The following ARID5B variants were observed in gnomAD, a reference collection of about 807,000 sequenced individuals.
The protein encoded by ARID5B is AT-rich interactive domain-containing protein 5B.
Under a neutral mutation model 97.2 loss-of-function variants are expected in ARID5B, and 13 were observed. That is an observed-to-expected ratio of 0.13 (90% CI 0.09 to 0.21). ARID5B has a LOEUF of 0.21. Ranked by LOEUF, ARID5B falls within the 10% of genes least tolerant of loss-of-function variation. ARID5B has a pLI of 1.00. For synonymous variants in ARID5B, 556 were observed against 570.3 expected (o/e 0.97, Z 0.36); for missense variants, 1,210 against 1,465.3 (o/e 0.83, Z 2.84).
At chr10:61,931,594 C>A (rs1844211026) in intron 2 of ARID5B, among the ~76,000 whole-genome samples, 1 of 152,130 alleles carries the variant, frequency 6.6e-6, no homozygotes. Flanking sequence ...AAAGTGGTTT[C>A]AAACCACATA....
chr10:62,061,683 G>A (rs557676506), intron 7 of ARID5B, among the ~76,000 whole-genome samples: 2 of 152,246 alleles, frequency 1.3e-5, no homozygotes, highest in African/African-American at 2.4e-5. Flanking sequence ...CCTCTTTCTG[G>A]TACTGTGTGG....
intron 3 of ARID5B, among the ~76,000 whole-genome samples, chr10:61,942,876 CA>C (rs1266742528): frequency 6.6e-6 from 1 of 152,176 alleles, no homozygotes; most frequent in African/African-American, 2.4e-5. Context: ...ATTTTGGAGA[CA>C]GCTTTATGAT....
chr10:62,007,913 T>A (rs2132875808), intron 4 of ARID5B, among the ~76,000 whole-genome samples: 1 of 152,210 alleles, frequency 6.6e-6, no homozygotes, highest in Middle Eastern at 3.4e-3. Flanking sequence ...TCTCTGACCA[T>A]CCCTCTTCCA....
At chr10:62,059,440 T>A in intron 7 of ARID5B, 145 bp downstream of exon 7, 1 of 621,676 alleles carries the variant, frequency 1.6e-6, no homozygotes, top group Non-Finnish European at 2.8e-6. Flanking sequence ...ATTGGGCCGC[T>A]TTGGAAACAG....
At chr10:61,938,970 T>A (rs957874131) in intron 2 of ARID5B, among the ~76,000 whole-genome samples, 7 of 146,132 alleles carry the variant, frequency 4.8e-5, no homozygotes, top group Admixed American at 1.4e-4. Context: ...GAGAAGTGTG[T>A]GTGTGTGTGT....
chr10:62,016,004 A>G (rs1268276380), intron 4 of ARID5B, among the ~76,000 whole-genome samples: 1 of 152,214 alleles, frequency 6.6e-6, no homozygotes, highest in African/African-American at 2.4e-5. Context: ...GAATTGTTCG[A>G]CTAAGACTCA....
chr10:62,043,253 C>T (rs1367727938), intron 4 of ARID5B, among the ~76,000 whole-genome samples: 2 of 152,148 alleles, frequency 1.3e-5, no homozygotes, highest in Non-Finnish European at 2.9e-5. Flanking sequence ...TCTGAAAAGC[C>T]AGACTGTCTC....
rs200573289 is a variant in ARID5B, at chr10:62,092,124, G to A, written c.2661G>A (p.Leu887=). 393 of 1,609,690 alleles carry A rather than the reference G, an allele frequency of 2.4e-4. 2 individuals are homozygous for A. The highest frequency in any genetic ancestry group is 1.9e-4 in the Admixed American group (11 of 58,870). The change falls in exon 10 of 10, where the codon CTG becomes CTA. Residue 887 remains leucine, a synonymous_variant. Coordinates refer to ENST00000279873, the MANE Select transcript of ARID5B (RefSeq NM_032199.3). ...TCCATGTAAATTATCTCACGTCCCT[G>A]CACCTGCAAGACAAAAAGTCGGCGG... The part of the protein sequence containing the change: ...EKLHVNYLTS[L]HLQDKKSAAA...
chr10:62,089,765 T>G (rs1015135287), intron 9 of ARID5B, among the ~76,000 whole-genome samples: 16 of 152,188 alleles, frequency 1.1e-4, no homozygotes, highest in Non-Finnish European at 2.2e-4. Flanking sequence ...TGACCTCAGG[T>G]GATCTGCCTG....
intron 8 of ARID5B, among the ~76,000 whole-genome samples, chr10:62,075,340 A>G (rs758644165): frequency 6.6e-6 from 1 of 152,258 alleles, no homozygotes; most frequent in Non-Finnish European, 1.5e-5. Context: ...AGCTAAATCA[A>G]ACATGCCCAG....
intron 3 of ARID5B, among the ~76,000 whole-genome samples, chr10:61,962,483 G>C (rs936748494): frequency 6.6e-6 from 1 of 152,182 alleles, no homozygotes; most frequent in Non-Finnish European, 1.5e-5. Flanking sequence ...CGGGCACGTT[G>C]GTAGTCAGAA....
intron 3 of ARID5B, among the ~76,000 whole-genome samples, chr10:61,956,735 G>C (rs1351371946): frequency 2.6e-5 from 4 of 152,074 alleles, no homozygotes; most frequent in African/African-American, 7.2e-5. Flanking sequence ...AACTACATTT[G>C]TCTGTATTTA....
Position 62,094,056 on chromosome 10 carries a change from T to C in ARID5B, c.*1026T>C, listed in dbSNP as rs1017002978. The C allele has an allele frequency of 8.6e-6, 2 of 233,630 alleles. No homozygotes were observed. The highest frequency in any genetic ancestry group is 1.7e-5 in the Non-Finnish European group (2 of 117,990). 14.5% of individuals were successfully genotyped at this position (233,630 alleles called of 1,614,324 possible). On this transcript the variant is annotated 3_prime_UTR_variant, in exon 10 of 10. Transcript: ENST00000279873. ...ATCTAGGCTGTGAAACTGTCCTACA[T>C]ACCAGAGAATCATAAAAACAAAAAC...
chr10:62,011,782 C>T (rs909809047), intron 4 of ARID5B, among the ~76,000 whole-genome samples: 2 of 152,188 alleles, frequency 1.3e-5, no homozygotes, highest in African/African-American at 2.4e-5. Flanking sequence ...TGTGGCTACA[C>T]GTTAGCAGAG....
intron 2 of ARID5B, among the ~76,000 whole-genome samples, chr10:61,927,314 C>T (rs1844124848): frequency 6.6e-6 from 1 of 151,940 alleles, no homozygotes; most frequent in Admixed American, 6.6e-5. Flanking sequence ...TTATATGAGA[C>T]CTTGACAAGT....
chr10:62,040,506 A>G (rs1343260240), intron 4 of ARID5B, among the ~76,000 whole-genome samples: 1 of 152,134 alleles, frequency 6.6e-6, no homozygotes, highest in East Asian at 1.9e-4. Flanking sequence ...TCTGCTCCTT[A>G]ACACATATTT....
At chr10:61,971,361 A>G (rs1838624509) in intron 3 of ARID5B, among the ~76,000 whole-genome samples, 1 of 152,226 alleles carries the variant, frequency 6.6e-6, no homozygotes, top group Admixed American at 6.5e-5. Context: ...AACTTTTTTC[A>G]CAGCCACCCT....
In ARID5B at chr10:62,069,712, C is replaced by T. The variant is rs1274987213; in HGVS notation, c.1114C>T (p.Arg372Cys). The T allele has an allele frequency of 1.2e-6, 2 of 1,614,006 alleles. No homozygotes were observed. Among genetic ancestry groups the T allele is most frequent in the Non-Finnish European group, 1.7e-6 (2 of 1,179,946 alleles). The part of the protein sequence containing the change: ...LGGYETITAR[R>C]QWKHIYDELG... ...GCCATTTTTTCAGATAACAGCCCGC[C>T]GTCAGTGGAAACATATTTATGATGA... is the stretch of plus-strand genomic sequence containing the variant. The change falls in exon 8 of 10, where the codon CGT (arginine) becomes TGT (cysteine). Residue 372 changes from arginine to cysteine, a missense_variant. Transcript: ENST00000279873.
At chr10:62,049,187 T>C in intron 4 of ARID5B, 1 of 1,276,116 alleles carries the variant, frequency 7.8e-7, no homozygotes. Context: ...AATCACCATC[T>C]CCGTGCGGGG....
Sources: gnomAD v4.1 joint callset for allele counts (sites outside exome capture counted in the v4.1 genomes callset) on GRCh38, gnomAD v4.1.1 for gene constraint, MANE v1.5 for transcripts, NCBI Gene and HGNC (gene_info 2026-07-23, HGNC 2026-07-21) for gene names.